Variants in CDC42SE2 observed in about 807,000 individuals in gnomAD.
CDC42SE2 encodes the protein CDC42 small effector 2.
Under a neutral mutation model 11.5 loss-of-function variants are expected in CDC42SE2, and 3 were observed. That is an observed-to-expected ratio of 0.26 (90% CI 0.12 to 0.67). CDC42SE2 has a LOEUF of 0.67. Ranked by LOEUF, CDC42SE2 falls within the 30% of genes least tolerant of loss-of-function variation. The pLI is 0.80. For missense variants in CDC42SE2, 82 were observed against 106.8 expected, an observed-to-expected ratio of 0.77 and a Z score of 1.02; for synonymous variants, 33 against 34.8, an observed-to-expected ratio of 0.95 and a Z score of 0.18.
chr5:131,257,325 G>C (rs1222163603), intron 2 of CDC42SE2, among the ~76,000 whole-genome samples: 1 of 152,054 alleles, frequency 6.6e-6, no homozygotes, highest in African/African-American at 2.4e-5. Flanking sequence ...TCAAACTCCT[G>C]ATCTCAAGTG....
chr5:131,381,322 GT>G (rs58641820), intron 3 of CDC42SE2, among the ~76,000 whole-genome samples: 59,216 of 146,182 alleles, frequency 0.41, 14,279 homozygotes, highest in African/African-American at 0.69. Flanking sequence ...GTTTTTTTTT[GT>G]TTTTTTTTTT....
At chr5:131,287,338 A>C (rs1486323522) in intron 1 of CDC42SE2, among the ~76,000 whole-genome samples, 2 of 152,130 alleles carry the variant, frequency 1.3e-5, no homozygotes, top group Admixed American at 1.3e-4. Context: ...AACAATATTC[A>C]ACTTAGATTT....
chr5:131,307,033 CAG>C (rs1757792766), intron 1 of CDC42SE2, among the ~76,000 whole-genome samples: 1 of 151,910 alleles, frequency 6.6e-6, no homozygotes, highest in Non-Finnish European at 1.5e-5. Flanking sequence ...CATCAGCAAA[CAG>C]ATACAATTTC....
intron 2 of CDC42SE2, among the ~76,000 whole-genome samples, chr5:131,348,253 C>T (rs544184525): frequency 2.0e-5 from 3 of 152,318 alleles, no homozygotes; most frequent in Admixed American, 1.3e-4. Context: ...ACCCCATCAT[C>T]TCAGCCCAAA....
At chr5:131,334,193 A>G (rs1758496769) in intron 2 of CDC42SE2, among the ~76,000 whole-genome samples, 1 of 152,182 alleles carries the variant, frequency 6.6e-6, no homozygotes, top group African/African-American at 2.4e-5. Context: ...AATTTTGTCA[A>G]AGGTCTTTTC....
the CDC42SE2 span, among the ~76,000 whole-genome samples, chr5:131,231,479 T>C: frequency 1.3e-5 from 2 of 152,222 alleles, no homozygotes; most frequent in Non-Finnish European, 2.9e-5. Context: ...GTTATGATTC[T>C]GTGAGTTGGC....
At chr5:131,245,322 G>A (rs181820354), upstream of CDC42SE2, among the ~76,000 whole-genome samples, 4 of 152,244 alleles carry the variant, frequency 2.6e-5, no homozygotes, top group Admixed American at 2.6e-4. Flanking sequence ...TCTGGGTACT[G>A]ACATACTGAT....
intron 1 of CDC42SE2, among the ~76,000 whole-genome samples, chr5:131,279,892 G>A (rs1757203352): frequency 6.6e-6 from 1 of 152,136 alleles, no homozygotes; most frequent in Non-Finnish European, 1.5e-5. Context: ...AGGCAACAGG[G>A]TGAAACCCTA....
intron 2 of CDC42SE2, among the ~76,000 whole-genome samples, chr5:131,340,627 C>T (rs1399727269): frequency 6.6e-6 from 1 of 151,946 alleles, no homozygotes; most frequent in Non-Finnish European, 1.5e-5. Context: ...AACTGAGAAG[C>T]TTACCACCTT....
intron 2 of CDC42SE2, among the ~76,000 whole-genome samples, chr5:131,344,360 CCTGA>C (rs1437354597): frequency 6.6e-6 from 1 of 152,222 alleles, no homozygotes; most frequent in Non-Finnish European, 1.5e-5. Flanking sequence ...ATATCCTGCG[CCTGA>C]CTAAGAGGGT....
intron 2 of CDC42SE2, among the ~76,000 whole-genome samples, chr5:131,332,382 C>G (rs993131136): frequency 2.9e-4 from 44 of 152,250 alleles, no homozygotes; most frequent in Admixed American, 1.7e-3. Flanking sequence ...GGACATTTGG[C>G]TTGGTTCCAA....
At chr5:131,327,865 T>C (rs1453362449) in intron 2 of CDC42SE2, among the ~76,000 whole-genome samples, 1 of 152,202 alleles carries the variant, frequency 6.6e-6, no homozygotes, top group Non-Finnish European at 1.5e-5. Flanking sequence ...TTATATACTC[T>C]GAAAAATCAT....
chr5:131,340,474 A>G (rs1758685544), intron 2 of CDC42SE2, among the ~76,000 whole-genome samples: 1 of 152,106 alleles, frequency 6.6e-6, no homozygotes, highest in African/African-American at 2.4e-5. Context: ...TTCATGGTTA[A>G]GAGGGAACTA....
chr5:131,347,547 C>G (rs988395839), intron 2 of CDC42SE2, among the ~76,000 whole-genome samples: 4 of 152,204 alleles, frequency 2.6e-5, no homozygotes, highest in Non-Finnish European at 4.4e-5. Context: ...CACATAGATT[C>G]ACAGCCGAAT....
At chr5:131,254,260 G>C (rs1756662620) in intron 1 of CDC42SE2, among the ~76,000 whole-genome samples, 1 of 152,126 alleles carries the variant, frequency 6.6e-6, no homozygotes. Flanking sequence ...AATAAGTCTT[G>C]GTTGGGCACG....
At chr5:131,251,365 G>A (rs1219718690) in intron 1 of CDC42SE2, among the ~76,000 whole-genome samples, 1 of 152,074 alleles carries the variant, frequency 6.6e-6, no homozygotes, top group Non-Finnish European at 1.5e-5. Flanking sequence ...TCATTTTCAA[G>A]AAAACTTTCA....
At chr5:131,358,127 A>G (rs1749605761) in intron 2 of CDC42SE2, among the ~76,000 whole-genome samples, 1 of 152,216 alleles carries the variant, frequency 6.6e-6, no homozygotes, top group Admixed American at 6.5e-5. Context: ...CGTTTTGCCT[A>G]GAGATCATTC....
the CDC42SE2 span, among the ~76,000 whole-genome samples, chr5:131,220,884 C>CT: frequency 0.056 from 7,250 of 128,994 alleles, 454 homozygotes; most frequent in African/African-American, 0.14. Context: ...CACCAGAAAC[C>CT]TTTTTTTTTT....
upstream of CDC42SE2, among the ~76,000 whole-genome samples, chr5:131,244,572 A>C (rs1344517185): frequency 2.0e-5 from 3 of 152,164 alleles, no homozygotes; most frequent in Non-Finnish European, 2.9e-5. Flanking sequence ...TTAGCTGGGC[A>C]TGGTGGCACA....
Sources: allele counts gnomAD v4.1 joint callset (sites outside exome capture counted in the v4.1 genomes callset), GRCh38; gene constraint gnomAD v4.1.1; transcripts MANE v1.5; gene names NCBI Gene and HGNC (gene_info 2026-07-23, HGNC 2026-07-21).